LANCL3: variants seen among roughly 807,000 people sequenced by gnomAD.
LANCL3 encodes lanC-like protein 3.
In LANCL3, 19 loss-of-function variants were observed where a neutral mutation model predicts 26.5. That is an observed-to-expected ratio of 0.72 (90% CI 0.50 to 1.05). The LOEUF (loss-of-function observed/expected upper bound fraction) is 1.05, where lower values mean the gene tolerates loss of function less well. Among genes scored for constraint, LANCL3 ranks in the 50% least tolerant of loss-of-function variants. LANCL3 has a pLI of 0.00. For synonymous variants in LANCL3, 160 were observed against 166.6 expected (o/e 0.96, Z 0.30); for missense variants, 318 against 362.7 (o/e 0.88, Z 1.00).
intron 1 of LANCL3, among the ~76,000 whole-genome samples, chrX:37,644,263 T>C (rs1332208745): frequency 1.8e-5 from 2 of 111,521 alleles, no homozygotes; most frequent in Non-Finnish European, 3.8e-5. Flanking sequence ...CAGGCCCCAC[T>C]CCACAGCTAC....
chrX:37,665,130 C>G (rs1556433525), intron 3 of LANCL3, among the ~76,000 whole-genome samples: 1 of 111,952 alleles, frequency 8.9e-6, no homozygotes, highest in Non-Finnish European at 1.9e-5. Flanking sequence ...ACATTTTGTC[C>G]ATAATAATCA....
chrX:37,606,804 A>G (rs1355390843), intron 1 of LANCL3, among the ~76,000 whole-genome samples: 1 of 112,169 alleles, frequency 8.9e-6, no homozygotes, highest in African/African-American at 3.2e-5. Context: ...ATTATTTCAC[A>G]TGTAAGTCTA....
intron 1 of LANCL3, among the ~76,000 whole-genome samples, chrX:37,603,892 T>C (rs1171761171): frequency 7.1e-5 from 8 of 112,431 alleles, no homozygotes; most frequent in Admixed American, 3.7e-4. Flanking sequence ...ACCTAAAAAA[T>C]GGGCAGCTCT....
chrX:37,617,538 C>T (rs1167814302), intron 1 of LANCL3, among the ~76,000 whole-genome samples: 2 of 111,788 alleles, frequency 1.8e-5, no homozygotes, highest in Non-Finnish European at 3.8e-5. Flanking sequence ...CAACTCTTTT[C>T]TAGAGGCCTC....
intron 1 of LANCL3, among the ~76,000 whole-genome samples, chrX:37,621,488 T>C (rs1183247745): frequency 8.9e-6 from 1 of 112,501 alleles, no homozygotes; most frequent in Non-Finnish European, 1.9e-5. Flanking sequence ...ACAGATATTT[T>C]CACATTCACT....
intron 1 of LANCL3, 43 bp from the exon 2 acceptor site, chrX:37,655,645 G>T: frequency 8.8e-7 from 1 of 1,137,337 alleles, no homozygotes; most frequent in East Asian, 3.2e-5. Context: ...TAAGGAAAAA[G>T]GAGATCCTGC....
At chrX:37,641,388 G>A (rs782810103) in intron 1 of LANCL3, among the ~76,000 whole-genome samples, 3 of 109,826 alleles carry the variant, frequency 2.7e-5, no homozygotes, top group African/African-American at 1.0e-4. Flanking sequence ...GCCATATTAC[G>A]ACAAAGCTAG....
chrX:37,586,626 G>A (rs782125716), intron 1 of LANCL3, among the ~76,000 whole-genome samples: 17 of 111,944 alleles, frequency 1.5e-4, no homozygotes, highest in African/African-American at 5.5e-4. Flanking sequence ...CGTAGTTCTC[G>A]TGCCATGGTT....
intron 1 of LANCL3, among the ~76,000 whole-genome samples, chrX:37,646,643 G>C (rs1202471975): frequency 8.9e-6 from 1 of 111,848 alleles, no homozygotes; most frequent in Non-Finnish European, 1.9e-5. Context: ...GGTGCCCATA[G>C]GAAACTCAGG....
At chrX:37,674,538 G>A (rs1194307313) in intron 4 of LANCL3, among the ~76,000 whole-genome samples, 23 of 111,085 alleles carry the variant, frequency 2.1e-4, no homozygotes, top group African/African-American at 7.2e-4. Context: ...CCCAACTGAA[G>A]CTATATCATG....
chrX:37,683,779 T>C lies in LANCL3; in HGVS notation c.*7966T>C, dbSNP rs2146804049. ...AATAAAACCAAATTCTCAAGTATTC[T>C]GGTATGTTACATATTAATATACCAA... On this transcript the variant is annotated 3_prime_UTR_variant, in exon 5 of 5. Transcript: ENST00000378619. The C allele has an allele frequency of 8.9e-6, 1 of 111,987 alleles. No homozygotes were observed. The highest frequency in any genetic ancestry group is 2.8e-4 in the East Asian group (1 of 3,621). The allele number at this position is 111,987 out of a possible 1,213,427, so 9.2% of individuals were successfully genotyped here.
intron 1 of LANCL3, among the ~76,000 whole-genome samples, chrX:37,627,998 C>T (rs1186738687): frequency 8.9e-6 from 1 of 111,964 alleles, no homozygotes; most frequent in Non-Finnish European, 1.9e-5. Flanking sequence ...CTCCTGTGTT[C>T]TAGACCTTCC....
At chrX:37,650,039 C>T (rs935374966) in intron 1 of LANCL3, among the ~76,000 whole-genome samples, 1 of 110,638 alleles carries the variant, frequency 9.0e-6, no homozygotes, top group Admixed American at 9.6e-5. Flanking sequence ...TGGTGGTTCA[C>T]GCCTGTAATC....
intron 1 of LANCL3, among the ~76,000 whole-genome samples, chrX:37,588,792 T>C (rs1436186623): frequency 8.9e-6 from 1 of 112,311 alleles, no homozygotes; most frequent in East Asian, 2.8e-4. Flanking sequence ...AGACAAAGTC[T>C]TACAGACTTC....
chrX:37,651,017 A>T (rs1926127720), intron 1 of LANCL3, among the ~76,000 whole-genome samples: 1 of 109,817 alleles, frequency 9.1e-6, no homozygotes, highest in Non-Finnish European at 1.9e-5. Flanking sequence ...GCTCAGAATG[A>T]TGGTTTCCAG....
intron 3 of LANCL3, among the ~76,000 whole-genome samples, chrX:37,663,464 GT>G (rs1926468187): frequency 9.0e-6 from 1 of 111,624 alleles, no homozygotes; most frequent in African/African-American, 3.3e-5. Context: ...ACTGTAGGTG[GT>G]TTGGTTCTAC....
intron 1 of LANCL3, among the ~76,000 whole-genome samples, chrX:37,593,566 T>C (rs1924347205): frequency 8.9e-6 from 1 of 112,477 alleles, no homozygotes. Context: ...GGAGTTGATA[T>C]ATGGCTGGGA....
rs893098412 is a variant in LANCL3 at position 37,667,890 on chromosome X, G to C, written c.1103+401G>C. Among the ~76,000 whole-genome samples, 3 of 110,961 alleles carry C rather than the reference G, an allele frequency of 2.7e-5. No homozygotes were observed. In the Admixed American group the frequency reaches 2.9e-4, roughly 11 times the overall value. On this transcript the variant is annotated intron_variant, in intron 4 of 4. Coordinates refer to ENST00000378619, the MANE Select transcript of LANCL3 (RefSeq NM_001170331.2). ...CATCACATGGGGAGAGAAGAAGGGAGAGAGGAGGAAAGTGCCAGGCTCTTT... is the reference window on the plus strand; with the variant it reads ...CATCACATGGGGAGAGAAGAAGGGACAGAGGAGGAAAGTGCCAGGCTCTTT...
intron 1 of LANCL3, among the ~76,000 whole-genome samples, chrX:37,598,063 C>G (rs990753301): frequency 2.1e-4 from 23 of 110,455 alleles, no homozygotes; most frequent in Middle Eastern, 4.7e-3. Flanking sequence ...GGATATGAGT[C>G]CCTTATCAGA....
Sources: allele counts gnomAD v4.1 joint callset (sites outside exome capture counted in the v4.1 genomes callset), GRCh38; gene constraint gnomAD v4.1.1; transcripts MANE v1.5; gene names NCBI Gene and HGNC (gene_info 2026-07-23, HGNC 2026-07-21).